The following SCART1 variants were observed in gnomAD, a reference collection of about 807,000 sequenced individuals.
SCART1 encodes the protein scavenger receptor cysteine-rich domain-containing protein SCART1.
SCART1 carries 62 observed loss-of-function variants against 36.2 expected under a neutral mutation model. The observed-to-expected ratio is 1.71, with a 90% CI of 1.40 to 2.12. The LOEUF (loss-of-function observed/expected upper bound fraction) is 2.12. SCART1 is among the 30% of genes most tolerant of loss of function. SCART1 has a pLI of 0.00. For synonymous variants in SCART1, 487 were observed against 238.7 expected, an observed-to-expected ratio of 2.04 and a Z score of -9.59; for missense variants, 1,041 against 540.5, an observed-to-expected ratio of 1.93 and a Z score of -9.18.
chr10:133,462,395 C>CA (rs1721356719), intron 6 of SCART1, among the ~76,000 whole-genome samples: 1 of 152,092 alleles, frequency 6.6e-6, no homozygotes, highest in South Asian at 2.1e-4. Context: ...GATAGACTTA[C>CA]AAAAATACTA....
At chr10:133,457,661 G>C (rs115848816) in intron 3 of SCART1, 86 bp downstream of exon 3, 3 of 594,652 alleles carry the variant, frequency 5.0e-6, no homozygotes, top group Non-Finnish European at 8.9e-6. Context: ...GGGGGTGGGC[G>C]TTCCCACGGA....
exon 9 of SCART1, chr10:133,465,332 C>T: frequency 1.5e-6 from 1 of 688,108 alleles, no homozygotes; most frequent in South Asian, 1.5e-5. Flanking sequence ...TCCTGGGGCA[C>T]CGTGTGCGAC....
chr10:133,466,439 C>T (rs372929562), intron 10 of SCART1, 58 bp downstream of exon 10: 8 of 680,226 alleles, frequency 1.2e-5, no homozygotes, highest in African/African-American at 3.5e-5. Context: ...GAGCAGCTCA[C>T]AGCTCCAGCC....
chr10:133,465,225 C>T (rs774714105), intron 8 of SCART1, 26 bp from the exon 9 acceptor site: 42 of 701,346 alleles, frequency 6.0e-5, no homozygotes, highest in Non-Finnish European at 9.9e-5. Context: ...GTCCAGCCCC[C>T]GCAGTGACCG....
chr10:133,459,767 C>A (rs1312672231), exon 6 of SCART1: 1 of 685,474 alleles, frequency 1.5e-6, no homozygotes. Context: ...TGCAGGAGCC[C>A]GCGGGGACCT....
intron 6 of SCART1, among the ~76,000 whole-genome samples, chr10:133,460,973 C>G (rs1463223553): frequency 6.6e-6 from 1 of 151,968 alleles, no homozygotes. Flanking sequence ...TGGACTCAAG[C>G]GATCCACCTG....
At chr10:133,455,491 G>A (rs1175630487) in intron 1 of SCART1, among the ~76,000 whole-genome samples, 1 of 151,962 alleles carries the variant, frequency 6.6e-6, no homozygotes. Flanking sequence ...TGGGTGTGGA[G>A]AGTCCTCCAG....
exon 6 of SCART1, chr10:133,460,003 G>A (rs753868272): frequency 9.4e-6 from 5 of 531,376 alleles, no homozygotes; most frequent in Middle Eastern, 7.4e-4. Flanking sequence ...GGCTGTGGCC[G>A]CGCCCTGAGC....
chr10:133,454,701 C>T (rs1181721153), intron 1 of SCART1, among the ~76,000 whole-genome samples: 1 of 152,106 alleles, frequency 6.6e-6, no homozygotes, highest in African/African-American at 2.4e-5. Flanking sequence ...GCCCTTGAGG[C>T]TGAGGAACAC....
intron 10 of SCART1, among the ~76,000 whole-genome samples, chr10:133,466,602 C>G (rs1850768345): frequency 6.6e-6 from 1 of 152,220 alleles, no homozygotes; most frequent in Non-Finnish European, 1.5e-5. Context: ...TGAAGACAAG[C>G]CATGTCCATG....
intron 1 of SCART1, among the ~76,000 whole-genome samples, chr10:133,455,713 G>A (rs933919262): frequency 5.3e-5 from 8 of 152,034 alleles, no homozygotes; most frequent in African/African-American, 7.2e-5. Flanking sequence ...CCTGGAAGCC[G>A]GTATGGGTGG....
In SCART1 at chr10:133,459,058, C is replaced by G. The variant is rs1309358800; in HGVS notation, c.1017C>G (p.Gly339=). 4.3e-6 allele frequency: 3 copies of G among 699,516 alleles called. No homozygotes were observed. The East Asian group carries it at 8.1e-5, about 19-fold the overall frequency. 43.3% of individuals were successfully genotyped at this position (699,516 alleles called of 1,614,324 possible). Reference sequence around the variant, plus strand: ...TCAACGGCAGCAGCAGCTGTGAGGGCCGCGTGGAGTTCCAGGTGCAGGGGT... The same window carrying G: ...TCAACGGCAGCAGCAGCTGTGAGGGGCGCGTGGAGTTCCAGGTGCAGGGGT... The change falls in exon 5 of 12, where the codon GGC becomes GGG. Residue 339 remains glycine, a synonymous_variant. Coordinates refer to ENST00000640237, the Ensembl canonical transcript of SCART1.
intron 6 of SCART1, among the ~76,000 whole-genome samples, chr10:133,460,928 G>T (rs1850694024): frequency 6.6e-6 from 1 of 151,972 alleles, no homozygotes; most frequent in Non-Finnish European, 1.5e-5. Context: ...TAGAGATGGA[G>T]TTTCACCATG....
exon 5 of SCART1, chr10:133,459,291 G>A (rs1850663833): frequency 1.5e-6 from 1 of 648,804 alleles, no homozygotes. Flanking sequence ...GCCCCGGCCT[G>A]TGCCCCGGGA....
chr10:133,459,191 G>T, exon 5 of SCART1: 1 of 702,660 alleles, frequency 1.4e-6, no homozygotes, highest in Non-Finnish European at 2.6e-6. Flanking sequence ...AGGCCATTTT[G>T]GGGACGGGGA....
At chr10:133,460,361 C>T in intron 6 of SCART1, among the ~76,000 whole-genome samples, 191 bp downstream of exon 6, 1 of 151,634 alleles carries the variant, frequency 6.6e-6, no homozygotes, top group East Asian at 1.9e-4. Flanking sequence ...GTTCCGTGCA[C>T]CTGGGGAGCT....
chr10:133,458,039 CA>C (rs1850641542), intron 3 of SCART1: 1 of 580,838 alleles, frequency 1.7e-6, no homozygotes, highest in South Asian at 1.9e-5. Context: ...CTCAGTGGAC[CA>C]AGGGGTGCCC....
intron 6 of SCART1, among the ~76,000 whole-genome samples, chr10:133,462,187 G>A (rs1850710840): frequency 6.6e-6 from 1 of 152,240 alleles, no homozygotes; most frequent in African/African-American, 2.4e-5. Flanking sequence ...GTGGAGCCCT[G>A]CTCAGCTCTG....
intron 7 of SCART1, 40 bp downstream of exon 7, chr10:133,464,951 G>C (rs1850745823): frequency 1.4e-6 from 1 of 702,730 alleles, no homozygotes; most frequent in Non-Finnish European, 2.6e-6. Context: ...GAGGTCTCTG[G>C]GGGTGCCTGG....
Sources: gnomAD v4.1 joint callset for allele counts (sites outside exome capture counted in the v4.1 genomes callset) on GRCh38, gnomAD v4.1.1 for gene constraint, MANE v1.5 for transcripts, NCBI Gene and HGNC (gene_info 2026-07-23, HGNC 2026-07-21) for gene names.